SYNE3: variants seen among roughly 807,000 people sequenced by gnomAD.
The protein encoded by SYNE3 is spectrin repeat containing nuclear envelope family member 3.
SYNE3 carries 100 observed loss-of-function variants against 111.2 expected under a neutral mutation model. The ratio of observed to expected loss-of-function variants is 0.90; its 90% CI spans 0.77 to 1.06. The LOEUF (loss-of-function observed/expected upper bound fraction) is 1.06, where lower values mean the gene tolerates loss of function less well. Ranked by LOEUF, SYNE3 falls within the 50% of genes least tolerant of loss-of-function variation. The pLI, the probability that SYNE3 is intolerant of heterozygous loss-of-function variation, is 0.00. For missense variants in SYNE3, 1,160 were observed against 1,240.3 expected (o/e 0.94, Z 0.97); for synonymous variants, 547 against 533.9 (o/e 1.02, Z -0.34).
Position 95,416,006 on chromosome 14 carries a change from T to A in SYNE3, c.*1820A>T, listed in dbSNP as rs1345732826. On this transcript the variant is annotated 3_prime_UTR_variant, in exon 18 of 18. Coordinates refer to ENST00000682763, the MANE Select transcript of SYNE3 (RefSeq NM_152592.6). ...GCGAAACTCCATCTCAAAATAATTA[T>A]AATAACAATAATAATAATAACTCAG... 2 of 151,850 alleles carry A rather than the reference T, an allele frequency of 1.3e-5. No homozygotes were observed. Among genetic ancestry groups the A allele is most frequent in the African/African-American group, 4.8e-5 (2 of 41,310 alleles). The allele number at this position is 151,850 out of a possible 1,614,324, so 9.4% of individuals were successfully genotyped here.
At chr14:95,436,189 CT>C (rs572581045) in intron 15 of SYNE3, among the ~76,000 whole-genome samples, 2 of 152,198 alleles carry the variant, frequency 1.3e-5, no homozygotes, top group Non-Finnish European at 2.9e-5. Context: ...AGTGGAGTCT[CT>C]TTCCCTTTCC....
chr14:95,478,087 G>C (rs545849752), intron 1 of SYNE3, among the ~76,000 whole-genome samples: 1 of 152,274 alleles, frequency 6.6e-6, no homozygotes, highest in African/African-American at 2.4e-5. Context: ...GGGTATAGCA[G>C]ATGAAACCCA....
At chr14:95,481,750 A>G (rs1348063113) in intron 1 of SYNE3, among the ~76,000 whole-genome samples, 1 of 152,238 alleles carries the variant, frequency 6.6e-6, no homozygotes, top group Non-Finnish European at 1.5e-5. Context: ...CCTGTGGTCC[A>G]TCGGGTAACT....
chr14:95,486,169 A>G (rs1352606964), intron 1 of SYNE3, among the ~76,000 whole-genome samples: 1 of 152,058 alleles, frequency 6.6e-6, no homozygotes, highest in Non-Finnish European at 1.5e-5. Flanking sequence ...GAGAGCTCCC[A>G]TCTGCTCTGG....
At chr14:95,466,599 C>A (rs1200346579) in intron 3 of SYNE3, among the ~76,000 whole-genome samples, 1 of 152,214 alleles carries the variant, frequency 6.6e-6, no homozygotes, top group Non-Finnish European at 1.5e-5. Context: ...TGTCAATGCA[C>A]AGACACCCCC....
intron 4 of SYNE3, among the ~76,000 whole-genome samples, chr14:95,464,507 C>T (rs1888039524): frequency 6.6e-6 from 1 of 152,126 alleles, no homozygotes; most frequent in South Asian, 2.1e-4. Context: ...CATGTTTTAG[C>T]CTGGGCCTAA....
intron 8 of SYNE3, among the ~76,000 whole-genome samples, chr14:95,449,210 G>A (rs1177751753): frequency 6.6e-6 from 1 of 152,212 alleles, no homozygotes; most frequent in African/African-American, 2.4e-5. Context: ...ATTTTGGGAT[G>A]CAAAGTGCTC....
At chr14:95,441,420 G>A (rs1424650899) in intron 11 of SYNE3, among the ~76,000 whole-genome samples, 1 of 152,172 alleles carries the variant, frequency 6.6e-6, no homozygotes, top group East Asian at 1.9e-4. Context: ...TCAGATACCT[G>A]CCCCCCAGGG....
chr14:95,412,319 CA>C lies in SYNE3; in HGVS notation c.*5506del, dbSNP rs1903456161. ...AGTGGGCCTGCCCCCTCTGGAAAGGCAGATGGGCAAAGTCAAGGGCAATGAC... is the reference window on the plus strand; with the variant it reads ...AGTGGGCCTGCCCCCTCTGGAAAGGCGATGGGCAAAGTCAAGGGCAATGAC... On this transcript the variant is annotated 3_prime_UTR_variant, in exon 18 of 18. Coordinates refer to ENST00000682763, the MANE Select transcript of SYNE3 (RefSeq NM_152592.6). 6.6e-6 allele frequency: 1 copy of C among 152,338 alleles called. No individual in the cohort carries two copies. Among genetic ancestry groups the C allele is most frequent in the African/African-American group, 2.4e-5 (1 of 41,462 alleles). 9.4% of individuals were successfully genotyped at this position (152,338 alleles called of 1,614,324 possible). A position where few individuals can be genotyped will look rare whatever the true frequency, so the allele number is the denominator to read the frequency against.
In SYNE3 at chr14:95,452,311, C is replaced by T. The variant is rs746635406; in HGVS notation, c.1210G>A (p.Val404Ile). The T allele has an allele frequency of 9.3e-6, 15 of 1,613,902 alleles. No individual in the cohort carries two copies. The highest frequency in any genetic ancestry group is 6.7e-5 in the East Asian group (3 of 44,896). Residue 404 changes from valine (V) to isoleucine (I), a missense_variant, in exon 7 of 18, where the codon GTC becomes ATC. Physicochemically the swap from Val to Ile is conservative, Grantham distance 29. Transcript: ENST00000682763. The part of the protein sequence containing the change: ...RLQAQLKELI[V>I]FPHNLKPLSD... The stretch of plus-strand genomic sequence containing the variant: ...AGTGGCTTCAGGTTGTGAGGGAAGA[C>T]GATGAGCTCCTTCAGCTGGGCTTGC...
chr14:95,452,414 G>A (rs1182472103), intron 6 of SYNE3, 31 bp from the exon 7 acceptor site: 1 of 1,580,192 alleles, frequency 6.3e-7, no homozygotes, highest in South Asian at 1.1e-5. Flanking sequence ...GCAGCGGGAG[G>A]TGAGGCTCCT....
intron 1 of SYNE3, among the ~76,000 whole-genome samples, chr14:95,491,732 T>A (rs977485287): frequency 6.9e-6 from 1 of 145,242 alleles, no homozygotes; most frequent in Admixed American, 6.9e-5. Context: ...AAATTAGGCA[T>A]CATCAAAATT....
chr14:95,499,392 C>A (rs1256226087), intron 1 of SYNE3, among the ~76,000 whole-genome samples: 1 of 152,120 alleles, frequency 6.6e-6, no homozygotes, highest in Non-Finnish European at 1.5e-5. Flanking sequence ...TACTTCCCAC[C>A]TCCTCTACTT....
chr14:95,457,892 G>A (rs1295406803), intron 4 of SYNE3, among the ~76,000 whole-genome samples: 2 of 152,184 alleles, frequency 1.3e-5, no homozygotes, highest in African/African-American at 4.8e-5. Context: ...TGGGTTGAAT[G>A]CTAGAAACCA....
intron 17 of SYNE3, among the ~76,000 whole-genome samples, chr14:95,419,872 G>A (rs1431061720): frequency 7.3e-6 from 1 of 137,432 alleles, no homozygotes; most frequent in Non-Finnish European, 1.6e-5. Flanking sequence ...AGGTGATGGT[G>A]ATGGTGATGA....
At chr14:95,475,870 G>A (rs1370012028) in intron 1 of SYNE3, 35 bp from the exon 2 acceptor site, 7 of 1,416,070 alleles carry the variant, frequency 4.9e-6, no homozygotes, top group Non-Finnish European at 6.5e-6. Context: ...CCAACAGGCA[G>A]GAATGTAGGG....
At chr14:95,439,314 G>C in intron 13 of SYNE3, 152 bp from the exon 14 acceptor site, 1 of 1,222,378 alleles carries the variant, frequency 8.2e-7, no homozygotes, top group Admixed American at 1.9e-5. Flanking sequence ...CTCACATCCG[G>C]TTTCTGACTT....
At chr14:95,435,862 T>G (rs570650644) in intron 15 of SYNE3, among the ~76,000 whole-genome samples, 2 of 152,322 alleles carry the variant, frequency 1.3e-5, no homozygotes, top group Admixed American at 6.5e-5. Context: ...TATTTGTTAT[T>G]CTGGCTGCAG....
intron 1 of SYNE3, among the ~76,000 whole-genome samples, chr14:95,508,566 G>A (rs1890609785): frequency 6.6e-6 from 1 of 152,250 alleles, no homozygotes; most frequent in African/African-American, 2.4e-5. Flanking sequence ...GCCACTGCGT[G>A]GGCAGGAGGG....
Sources: gnomAD v4.1 joint callset for allele counts (sites outside exome capture counted in the v4.1 genomes callset) on GRCh38, gnomAD v4.1.1 for gene constraint, MANE v1.5 for transcripts, NCBI Gene and HGNC (gene_info 2026-07-23, HGNC 2026-07-21) for gene names.